The following TENM2 variants were observed in gnomAD, a reference collection of about 807,000 sequenced individuals.
The protein encoded by TENM2 is teneurin transmembrane protein 2, also known as teneurin-2.
In TENM2, 52 loss-of-function variants were observed where a neutral mutation model predicts 245.2. The ratio of observed to expected loss-of-function variants is 0.21; its 90% CI spans 0.17 to 0.27. The LOEUF is 0.27. Ranked by LOEUF, TENM2 falls within the 10% of genes least tolerant of loss-of-function variation. TENM2 has a pLI of 1.00. For synonymous variants in TENM2, 1,363 were observed against 1,438.9 expected (o/e 0.95, Z 1.19); for missense variants, 3,046 against 3,666.8 (o/e 0.83, Z 4.37).
chr5:167,637,974 T>TAA (rs75360328), intron 2 of TENM2, among the ~76,000 whole-genome samples: 2,760 of 142,962 alleles, frequency 0.019, 88 homozygotes, highest in African/African-American at 0.066. Context: ...GAACTTAAAG[T>TAA]AAAAAAAAAA....
intron 4 of TENM2, among the ~76,000 whole-genome samples, chr5:167,980,176 G>A (rs930991393): frequency 6.6e-6 from 1 of 152,180 alleles, no homozygotes; most frequent in African/African-American, 2.4e-5. Context: ...TGACAAACAA[G>A]GAATGAAGGA....
chr5:167,493,783 T>A (rs990841483), intron 2 of TENM2, among the ~76,000 whole-genome samples: 1 of 152,034 alleles, frequency 6.6e-6, no homozygotes, highest in Admixed American at 6.6e-5. Context: ...TGTTCATATA[T>A]CTATAACAGG....
At chr5:167,041,721 T>C in the TENM2 span, among the ~76,000 whole-genome samples, 5 of 152,186 alleles carry the variant, frequency 3.3e-5, no homozygotes, top group African/African-American at 1.2e-4. Flanking sequence ...AGAAGTACCA[T>C]ATTCTTTTCA....
At chr5:167,204,513 T>C in the TENM2 span, among the ~76,000 whole-genome samples, 1 of 152,150 alleles carries the variant, frequency 6.6e-6, no homozygotes, top group Non-Finnish European at 1.5e-5. Context: ...GGAGTAGAAA[T>C]GCATTGAAAT....
intron 2 of TENM2, among the ~76,000 whole-genome samples, chr5:167,557,949 C>A (rs1773355252): frequency 6.6e-6 from 1 of 152,212 alleles, no homozygotes; most frequent in South Asian, 2.1e-4. Flanking sequence ...GAAAATATAA[C>A]TTCTCATATT....
At chr5:167,225,766 A>G in the TENM2 span, among the ~76,000 whole-genome samples, 109 of 152,158 alleles carry the variant, frequency 7.2e-4, 1 homozygote, top group African/African-American at 2.6e-3. Flanking sequence ...TTCATTTGGT[A>G]GAATTCATTA....
chr5:168,178,781 A>T (rs1175223074), intron 13 of TENM2, among the ~76,000 whole-genome samples: 1 of 152,224 alleles, frequency 6.6e-6, no homozygotes, highest in Non-Finnish European at 1.5e-5. Flanking sequence ...CCCCCTGTGA[A>T]AAACCGAGAA....
At chr5:167,953,843 T>A (rs1213703101) in intron 4 of TENM2, among the ~76,000 whole-genome samples, 2 of 152,212 alleles carry the variant, frequency 1.3e-5, no homozygotes, top group African/African-American at 2.4e-5. Flanking sequence ...ATTTTGAAAG[T>A]AGCATTTGGA....
chr5:167,512,665 G>T (rs951702042), intron 2 of TENM2, among the ~76,000 whole-genome samples: 2 of 152,122 alleles, frequency 1.3e-5, no homozygotes, highest in East Asian at 1.9e-4. Flanking sequence ...GTTTGGAAGA[G>T]AACTCAGATT....
chr5:167,481,046 G>A (rs1767727321), intron 2 of TENM2, among the ~76,000 whole-genome samples: 1 of 152,176 alleles, frequency 6.6e-6, no homozygotes, highest in Non-Finnish European at 1.5e-5. Context: ...TCCTCAGAAT[G>A]TCTTTTCAAT....
the TENM2 span, among the ~76,000 whole-genome samples, chr5:167,121,925 T>C: frequency 3.9e-5 from 6 of 152,180 alleles, no homozygotes. Context: ...TACTTTGATA[T>C]ATTGCAAGCA....
intron 2 of TENM2, among the ~76,000 whole-genome samples, chr5:167,469,085 C>CT (rs1353959835): frequency 6.6e-6 from 1 of 152,084 alleles, no homozygotes; most frequent in Non-Finnish European, 1.5e-5. Flanking sequence ...CTTAATAAAA[C>CT]TATTCTGTGG....
chr5:167,774,866 C>T lies in TENM2; in HGVS notation c.503-101120C>T, dbSNP rs139116474. On this transcript the variant is annotated intron_variant, in intron 2 of 28. Coordinates refer to ENST00000518659, the Ensembl canonical transcript of TENM2. ...ACATATCCTTAAAACTGTCTATGTC[C>T]ATGATAGTTTCCCCCCAGTGCATCT... Among the ~76,000 whole-genome samples the T allele has an allele frequency of 6.7e-3, 1,015 of 152,310 alleles. 7 individuals carry two copies. Among genetic ancestry groups the T allele is most frequent in the African/African-American group, 0.023 (955 of 41,570 alleles).
At chr5:167,694,245 G>A (rs1378396719) in intron 2 of TENM2, among the ~76,000 whole-genome samples, 1 of 152,104 alleles carries the variant, frequency 6.6e-6, no homozygotes, top group Non-Finnish European at 1.5e-5. Context: ...GAGAGGGCTG[G>A]TTCTCAATTA....
chr5:167,183,053 A>G, the TENM2 span, among the ~76,000 whole-genome samples: 1 of 152,132 alleles, frequency 6.6e-6, no homozygotes, highest in African/African-American at 2.4e-5. Context: ...ATCAAGGGGA[A>G]CTAATATTAT....
At chr5:167,895,335 C>A (rs1280541542) in intron 3 of TENM2, among the ~76,000 whole-genome samples, 1 of 152,178 alleles carries the variant, frequency 6.6e-6, no homozygotes, top group African/African-American at 2.4e-5. Context: ...GAACCACCAT[C>A]TGCTGAGCAT....
At chr5:168,195,865 C>T (rs1761388502) in intron 15 of TENM2, among the ~76,000 whole-genome samples, 1 of 152,012 alleles carries the variant, frequency 6.6e-6, no homozygotes, top group Non-Finnish European at 1.5e-5. Flanking sequence ...GGCAACCTTT[C>T]CCTATTATCT....
chr5:168,051,859 T>C (rs945242139), intron 6 of TENM2, among the ~76,000 whole-genome samples: 2 of 152,216 alleles, frequency 1.3e-5, no homozygotes, highest in African/African-American at 4.8e-5. Context: ...TAATAAATGA[T>C]CCACGAGTCT....
intron 2 of TENM2, among the ~76,000 whole-genome samples, chr5:167,413,259 G>A (rs1270148696): frequency 6.6e-6 from 1 of 152,020 alleles, no homozygotes; most frequent in Non-Finnish European, 1.5e-5. Flanking sequence ...TTTCAAGGAG[G>A]TAATGTTAGT....
Sources: allele counts gnomAD v4.1 joint callset (sites outside exome capture counted in the v4.1 genomes callset), GRCh38; gene constraint gnomAD v4.1.1; transcripts MANE v1.5; gene names NCBI Gene and HGNC (gene_info 2026-07-23, HGNC 2026-07-21).